ARHGAP15: variants seen among roughly 807,000 people sequenced by gnomAD.
ARHGAP15 encodes the protein Rho GTPase activating protein 15.
Under a neutral mutation model 63.7 loss-of-function variants are expected in ARHGAP15, and 51 were observed. That is an observed-to-expected ratio of 0.80 (90% confidence interval 0.64 to 1.01). The LOEUF (loss-of-function observed/expected upper bound fraction) is 1.01, where lower values mean the gene tolerates loss of function less well. ARHGAP15 is among the 50% of genes least tolerant of loss of function. The probability of loss-of-function intolerance (pLI) is 0.00; values close to 1 mark genes in which losing one functional copy is unlikely to be tolerated. For synonymous variants in ARHGAP15, 191 were observed against 193.8 expected, an observed-to-expected ratio of 0.99 and a Z score of 0.12; for missense variants, 560 against 564.6, an observed-to-expected ratio of 0.99 and a Z score of 0.08.
chr2:143,211,349 G>GT (rs1335387933), intron 3 of ARHGAP15, among the ~76,000 whole-genome samples: 1 of 128,784 alleles, frequency 7.8e-6, no homozygotes, highest in Admixed American at 8.5e-5. Flanking sequence ...AATGGCGGGC[G>GT]TGGGTGGGGG....
At chr2:143,373,239 G>C (rs1306680529) in intron 6 of ARHGAP15, among the ~76,000 whole-genome samples, 1 of 152,104 alleles carries the variant, frequency 6.6e-6, no homozygotes, top group Non-Finnish European at 1.5e-5. Context: ...AATGAAACTT[G>C]CTCAAGATTG....
At chr2:143,134,904 T>A (rs541854204) in intron 1 of ARHGAP15, among the ~76,000 whole-genome samples, 2 of 152,172 alleles carry the variant, frequency 1.3e-5, no homozygotes, top group Non-Finnish European at 2.9e-5. Context: ...CCCAAAGTGC[T>A]GGGATTACAG....
chr2:143,287,185 T>C (rs1342122406), intron 6 of ARHGAP15, among the ~76,000 whole-genome samples: 1 of 152,204 alleles, frequency 6.6e-6, no homozygotes, highest in Non-Finnish European at 1.5e-5. Context: ...AATGCTGATA[T>C]AAAATTTGAC....
At chr2:143,540,308 A>G (rs953038890) in intron 10 of ARHGAP15, among the ~76,000 whole-genome samples, 7 of 152,184 alleles carry the variant, frequency 4.6e-5, no homozygotes, top group African/African-American at 1.7e-4. Context: ...ATACAGCACT[A>G]TGATGGGTCT....
chr2:143,138,894 T>A (rs1689250036), intron 1 of ARHGAP15, among the ~76,000 whole-genome samples: 1 of 152,148 alleles, frequency 6.6e-6, no homozygotes, highest in African/African-American at 2.4e-5. Context: ...AATAAAATTA[T>A]TAAAATTAAT....
chr2:143,242,741 T>A (rs1693911493), intron 5 of ARHGAP15, among the ~76,000 whole-genome samples: 1 of 152,206 alleles, frequency 6.6e-6, no homozygotes, highest in Non-Finnish European at 1.5e-5. Flanking sequence ...TCCTCTTTTA[T>A]GTTGACAGGG....
chr2:143,708,112 T>C (rs1684414808), intron 13 of ARHGAP15, among the ~76,000 whole-genome samples: 3 of 152,132 alleles, frequency 2.0e-5, no homozygotes, highest in African/African-American at 7.2e-5. Flanking sequence ...ACTGGATGTA[T>C]AACCTTGGCC....
At chr2:143,567,076 C>T (rs374419961) in intron 11 of ARHGAP15, among the ~76,000 whole-genome samples, 1 of 151,930 alleles carries the variant, frequency 6.6e-6, no homozygotes, top group Non-Finnish European at 1.5e-5. Context: ...GGGGTTTTGC[C>T]GTGTTAGCCA....
Position 143,628,725 on chromosome 2 carries a change from G to C in ARHGAP15, c.1138+4458G>C, listed in dbSNP as rs571564914. 1.2e-3 allele frequency among the ~76,000 whole-genome samples: 178 copies of C among 152,214 alleles called. 1 individual carries two copies. Among genetic ancestry groups the C allele is most frequent in the African/African-American group, 3.5e-3 (144 of 41,536 alleles). On this transcript the variant is annotated intron_variant, in intron 12 of 13. Transcript: ENST00000295095. ...TGGTTACTCCACTCTTCCTTATCTG[G>C]TTCTCAGCTTCTTCTTTATATGGGT...
rs557757382 is a variant in ARHGAP15, at chr2:143,642,703, A to G, written c.1138+18436A>G. ...TCTAGCAGCACAATGAATGATGAAG[A>G]CAATAAATGTTCTACAGAAGGGAGA... On this transcript the variant is annotated intron_variant, in intron 12 of 13. Coordinates refer to ENST00000295095, the MANE Select transcript of ARHGAP15 (RefSeq NM_018460.4). Among the ~76,000 whole-genome samples the G allele has an allele frequency of 3.2e-4, 48 of 152,270 alleles. 2 individuals are homozygous for G. The Middle Eastern group carries it at 0.01, about 32-fold the overall frequency.
chr2:143,673,769 T>TGTATATATATATATATATAC, intron 12 of ARHGAP15, among the ~76,000 whole-genome samples: 1 of 103,138 alleles, frequency 9.7e-6, no homozygotes, highest in African/African-American at 2.9e-5. Context: ...TATATATATA[T>TGTATATATATATATATATAC]ATATATATAT....
At chr2:143,263,671 T>G (rs977964610) in intron 6 of ARHGAP15, among the ~76,000 whole-genome samples, 1 of 152,178 alleles carries the variant, frequency 6.6e-6, no homozygotes, top group African/African-American at 2.4e-5. Flanking sequence ...TCTGGATACA[T>G]TCTTATGAAT....
chr2:143,657,571 A>G (rs2105314017), intron 12 of ARHGAP15, among the ~76,000 whole-genome samples: 1 of 152,320 alleles, frequency 6.6e-6, no homozygotes, highest in African/African-American at 2.4e-5. Flanking sequence ...CTTATTTCAT[A>G]ATGTTTTTCA....
In ARHGAP15 at chr2:143,379,485, ATATGTGTGTGTGTG is replaced by A. The variant is rs1174641624; in HGVS notation, c.475-56114_475-56101del. Among the ~76,000 whole-genome samples, 225 of 90,192 alleles carry A rather than the reference ATATGTGTGTGTGTG, an allele frequency of 2.5e-3. 2 individuals are homozygous for A. Among genetic ancestry groups the A allele is most frequent in the Admixed American group, 0.019 (188 of 9,934 alleles). The allele number at this position is 90,192 out of a possible 152,430, so 59.2% of individuals were successfully genotyped here. A position where few individuals can be genotyped will look rare whatever the true frequency, so the allele number is the denominator to read the frequency against. ...TTAACAAGGTGGTTTTTAGGCATAT[ATATGTGTGTGTGTG>A]TGTGTGTGTGTGTGTGTGTGTGTGT... is the stretch of plus-strand genomic sequence containing the variant. On this transcript the variant is annotated intron_variant, in intron 6 of 13. Coordinates refer to ENST00000295095, the MANE Select transcript of ARHGAP15 (RefSeq NM_018460.4).
At chr2:143,227,093 A>G (rs2105168116) in intron 4 of ARHGAP15, among the ~76,000 whole-genome samples, 1 of 152,352 alleles carries the variant, frequency 6.6e-6, no homozygotes, top group Middle Eastern at 3.4e-3. Flanking sequence ...GCTGAAGCAA[A>G]CTGCAGCAAT....
chr2:143,501,106 G>A (rs1693034283), intron 9 of ARHGAP15, among the ~76,000 whole-genome samples: 1 of 152,192 alleles, frequency 6.6e-6, no homozygotes, highest in Admixed American at 6.5e-5. Context: ...CATAACAAGA[G>A]ACTGAGAAAT....
intron 2 of ARHGAP15, among the ~76,000 whole-genome samples, chr2:143,169,158 T>G (rs1240115364): frequency 6.6e-6 from 1 of 152,056 alleles, no homozygotes; most frequent in African/African-American, 2.4e-5. Flanking sequence ...CATATTGACA[T>G]TCTGAGATTT....
chr2:143,556,319 A>G (rs1408485502), intron 10 of ARHGAP15, 89 bp from the exon 11 acceptor site: 4 of 1,000,360 alleles, frequency 4.0e-6, no homozygotes, highest in Non-Finnish European at 5.9e-6. Context: ...AAGAATAGAT[A>G]TTTGATTTAC....
chr2:143,303,263 T>A (rs1475050094), intron 6 of ARHGAP15, among the ~76,000 whole-genome samples: 4 of 152,050 alleles, frequency 2.6e-5, no homozygotes, highest in African/African-American at 2.4e-5. Context: ...TATGTATCCA[T>A]CTGACAAAGG....
Sources: gnomAD v4.1 joint callset for allele counts (sites outside exome capture counted in the v4.1 genomes callset) on GRCh38, gnomAD v4.1.1 for gene constraint, MANE v1.5 for transcripts, NCBI Gene and HGNC (gene_info 2026-07-23, HGNC 2026-07-21) for gene names.